The following ARHGAP42 variants were observed in gnomAD, a reference collection of about 807,000 sequenced individuals.
The protein encoded by ARHGAP42 is rho GTPase-activating protein 42.
A neutral mutation model predicts 125.0 loss-of-function variants in ARHGAP42; 63 were observed. That is an observed-to-expected ratio of 0.50 (90% CI 0.41 to 0.62). The LOEUF (loss-of-function observed/expected upper bound fraction) is 0.62, where lower values mean the gene tolerates loss of function less well. Among genes scored for constraint, ARHGAP42 ranks in the 20% least tolerant of loss-of-function variants. The pLI is 0.00. For synonymous variants in ARHGAP42, 339 were observed against 351.0 expected (o/e 0.97, Z 0.38); for missense variants, 766 against 1,024.2 (o/e 0.75, Z 3.44).
rs575695874 is a variant in ARHGAP42 at position 100,917,825 on chromosome 11, G to A, written c.487-3669G>A. On this transcript the variant is annotated intron_variant, in intron 5 of 23. Transcript: ENST00000298815. Reference sequence around the variant, plus strand: ...GACCTCAAGTGATCCTCCCATCTTGGCCTCCCAAATTGCTGGGATTATAGG... The same window carrying A: ...GACCTCAAGTGATCCTCCCATCTTGACCTCCCAAATTGCTGGGATTATAGG... Among the ~76,000 whole-genome samples the A allele has an allele frequency of 9.7e-4, 147 of 152,256 alleles. 1 individual carries two copies. The highest frequency in any genetic ancestry group is 3.5e-3 in the African/African-American group (144 of 41,556).
At chr11:100,978,950 T>C (rs2135324616) in intron 21 of ARHGAP42, 37 bp from the exon 22 acceptor site, 2 of 1,547,012 alleles carry the variant, frequency 1.3e-6, no homozygotes, top group African/African-American at 2.7e-5. Context: ...TGAATGTGAT[T>C]GACTTCATGA....
intron 4 of ARHGAP42, among the ~76,000 whole-genome samples, chr11:100,875,237 TA>T (rs1419547314): frequency 6.6e-6 from 1 of 152,096 alleles, no homozygotes; most frequent in East Asian, 1.9e-4. Context: ...ATTTTTTATT[TA>T]TTTTTTGCTT....
chr11:100,705,977 C>CTTTTTT (rs34731514), intron 1 of ARHGAP42, among the ~76,000 whole-genome samples: 2 of 112,054 alleles, frequency 1.8e-5, no homozygotes, highest in South Asian at 2.9e-4. Flanking sequence ...AGTTAAGTAA[C>CTTTTTT]TTTTTTTTTT....
intron 6 of ARHGAP42, among the ~76,000 whole-genome samples, chr11:100,922,068 C>T (rs1867288479): frequency 6.6e-6 from 1 of 151,978 alleles, no homozygotes; most frequent in Non-Finnish European, 1.5e-5. Flanking sequence ...CCTAAAACTG[C>T]TCCAAAAATA....
intron 3 of ARHGAP42, among the ~76,000 whole-genome samples, chr11:100,845,313 C>G (rs1865038713): frequency 6.6e-6 from 1 of 151,902 alleles, no homozygotes; most frequent in South Asian, 2.1e-4. Flanking sequence ...GATGCGAAGG[C>G]ATGAGAATGA....
chr11:100,815,887 T>C (rs1864255371), intron 3 of ARHGAP42, among the ~76,000 whole-genome samples: 1 of 152,202 alleles, frequency 6.6e-6, no homozygotes, highest in African/African-American at 2.4e-5. Flanking sequence ...TATGTGCAAG[T>C]GGAATTATAT....
intron 20 of ARHGAP42, among the ~76,000 whole-genome samples, 174 bp from the exon 21 acceptor site, chr11:100,976,641 A>G (rs1453095548): frequency 1.3e-5 from 2 of 152,140 alleles, no homozygotes; most frequent in African/African-American, 4.8e-5. Context: ...ATGTCTTTGT[A>G]ATTATTGTAG....
intron 3 of ARHGAP42, among the ~76,000 whole-genome samples, chr11:100,810,372 T>C (rs887413124): frequency 6.6e-6 from 1 of 152,250 alleles, no homozygotes; most frequent in Non-Finnish European, 1.5e-5. Context: ...TTTTTACTAG[T>C]GTAGTGGTTA....
At chr11:100,953,618 C>T (rs895140427) in intron 12 of ARHGAP42, among the ~76,000 whole-genome samples, 5 of 152,066 alleles carry the variant, frequency 3.3e-5, no homozygotes, top group South Asian at 2.1e-4. Context: ...GACTAACATG[C>T]AAAAGTCTTC....
chr11:100,767,458 G>A (rs1862857091), intron 1 of ARHGAP42, among the ~76,000 whole-genome samples: 1 of 152,128 alleles, frequency 6.6e-6, no homozygotes, highest in Non-Finnish European at 1.5e-5. Flanking sequence ...TTTGGGGATG[G>A]GGATTACTGT....
intron 2 of ARHGAP42, 26 bp downstream of exon 2, chr11:100,770,464 C>G: frequency 7.0e-7 from 1 of 1,421,246 alleles, no homozygotes; most frequent in Non-Finnish European, 9.6e-7. Context: ...TTAGAAAGTT[C>G]TATTACTAAT....
intron 12 of ARHGAP42, among the ~76,000 whole-genome samples, chr11:100,957,376 TAC>T (rs1857832164): frequency 4.6e-5 from 7 of 152,126 alleles, no homozygotes; most frequent in Admixed American, 3.3e-4. Flanking sequence ...GTCTTCATCT[TAC>T]TACAACTGTT....
intron 3 of ARHGAP42, among the ~76,000 whole-genome samples, chr11:100,814,747 A>G (rs1864225906): frequency 6.6e-6 from 1 of 152,186 alleles, no homozygotes; most frequent in Non-Finnish European, 1.5e-5. Flanking sequence ...ACAGCACCAA[A>G]GAGATAGTGC....
chr11:100,932,572 T>A (rs909158680), intron 6 of ARHGAP42, among the ~76,000 whole-genome samples: 1 of 152,220 alleles, frequency 6.6e-6, no homozygotes, highest in African/African-American at 2.4e-5. Flanking sequence ...TCACTTTCTC[T>A]GAAATGAAAA....
At chr11:100,708,933 T>C (rs1223431953) in intron 1 of ARHGAP42, among the ~76,000 whole-genome samples, 1 of 152,210 alleles carries the variant, frequency 6.6e-6, no homozygotes, top group Non-Finnish European at 1.5e-5. Flanking sequence ...GTTATAACAA[T>C]GTACTGTAAT....
intron 1 of ARHGAP42, among the ~76,000 whole-genome samples, chr11:100,688,595 T>A (rs1861131038): frequency 6.6e-6 from 1 of 152,216 alleles, no homozygotes; most frequent in Non-Finnish European, 1.5e-5. Context: ...ATCCTCTGGA[T>A]CTTAGCTTTC....
At chr11:100,740,073 T>TC (rs1862152122) in intron 1 of ARHGAP42, among the ~76,000 whole-genome samples, 1 of 152,080 alleles carries the variant, frequency 6.6e-6, no homozygotes, top group Middle Eastern at 3.4e-3. Flanking sequence ...ACAATTTTTT[T>TC]TTTTTTTTTT....
At chr11:100,827,848 G>T (rs1864560725) in intron 3 of ARHGAP42, among the ~76,000 whole-genome samples, 1 of 152,248 alleles carries the variant, frequency 6.6e-6, no homozygotes, top group Admixed American at 6.5e-5. Context: ...GATCTTGGAA[G>T]TGGTTAGTAA....
At chr11:100,871,152 G>A (rs1865685743) in intron 4 of ARHGAP42, among the ~76,000 whole-genome samples, 1 of 152,030 alleles carries the variant, frequency 6.6e-6, no homozygotes, top group South Asian at 2.1e-4. Flanking sequence ...GAAGTAATTG[G>A]AAACCCTCTA....
Sources: gnomAD v4.1 joint callset for allele counts (sites outside exome capture counted in the v4.1 genomes callset) on GRCh38, gnomAD v4.1.1 for gene constraint, MANE v1.5 for transcripts, NCBI Gene and HGNC (gene_info 2026-07-23, HGNC 2026-07-21) for gene names.